CRB1: variants seen among roughly 807,000 people sequenced by gnomAD.
CRB1 encodes crumbs cell polarity complex component 1, also known as protein crumbs homolog 1.
A neutral mutation model predicts 120.0 loss-of-function variants in CRB1; 83 were observed. The observed-to-expected ratio is 0.69, with a 90% CI of 0.58 to 0.83. The LOEUF (loss-of-function observed/expected upper bound fraction) is 0.83. CRB1 is among the 40% of genes least tolerant of loss of function. CRB1 has a pLI of 0.00. For synonymous variants in CRB1, 625 were observed against 612.5 expected (o/e 1.02, Z -0.30); for missense variants, 1,699 against 1,687.6 (o/e 1.01, Z -0.12).
chr1:197,268,218 G>A (rs886045782), upstream of CRB1: 15 of 566,016 alleles, frequency 2.7e-5, no homozygotes, highest in African/African-American at 2.4e-4. Flanking sequence ...CCGTGTAAGT[G>A]ATGCTAAGAA....
the CRB1 span, among the ~76,000 whole-genome samples, chr1:197,208,712 C>T: frequency 3.3e-5 from 5 of 152,244 alleles, no homozygotes; most frequent in Middle Eastern, 3.4e-3. Context: ...GTGATGCTTT[C>T]AAGACCACAT....
chr1:197,393,094 A>G (rs114178884), intron 5 of CRB1, among the ~76,000 whole-genome samples: 199 of 152,240 alleles, frequency 1.3e-3, no homozygotes, highest in Middle Eastern at 3.4e-3. Context: ...AGGGCTGTTA[A>G]TCAAATTAAA....
At chr1:197,239,339 A>G in the CRB1 span, among the ~76,000 whole-genome samples, 1 of 152,138 alleles carries the variant, frequency 6.6e-6, no homozygotes, top group East Asian at 1.9e-4. Context: ...AACTATAATT[A>G]CACACTTGTC....
intron 1 of CRB1, among the ~76,000 whole-genome samples, chr1:197,283,617 A>G (rs1655661808): frequency 6.6e-6 from 1 of 151,764 alleles, no homozygotes; most frequent in East Asian, 1.9e-4. Flanking sequence ...GTATCTATCT[A>G]TCTAGATGGA....
chr1:197,354,811 CCCCCCGCCCCCCCA>C, intron 4 of CRB1, among the ~76,000 whole-genome samples: 1 of 6,682 alleles, frequency 1.5e-4, no homozygotes, highest in African/African-American at 4.1e-4. Context: ...CCCTTATCTG[CCCCCCGCCCCCCCA>C]CCCCCCCCCC....
chr1:197,230,899 T>A, the CRB1 span, among the ~76,000 whole-genome samples: 1 of 152,192 alleles, frequency 6.6e-6, no homozygotes, highest in Non-Finnish European at 1.5e-5. Flanking sequence ...TCTTGGAGGA[T>A]CAAGTTTTTA....
chr1:197,300,029 G>A (rs1656774272), intron 1 of CRB1, among the ~76,000 whole-genome samples: 1 of 151,822 alleles, frequency 6.6e-6, no homozygotes, highest in African/African-American at 2.4e-5. Context: ...CACAAACCAT[G>A]CCCATATGGC....
chr1:197,291,679 G>A (rs985387981), intron 1 of CRB1, among the ~76,000 whole-genome samples: 6 of 151,772 alleles, frequency 4.0e-5, no homozygotes, highest in African/African-American at 1.4e-4. Flanking sequence ...TCCTTAGCAT[G>A]CATAGTGCTT....
chr1:197,222,195 C>T, the CRB1 span: 7 of 453,318 alleles, frequency 1.5e-5, no homozygotes, highest in Non-Finnish European at 2.9e-5. Context: ...TCCTTGTTGC[C>T]CTGCACTGCG....
chr1:197,347,152 A>T (rs979089528), intron 3 of CRB1, among the ~76,000 whole-genome samples, 188 bp from the exon 4 acceptor site: 4 of 152,246 alleles, frequency 2.6e-5, no homozygotes, highest in Non-Finnish European at 5.9e-5. Context: ...TAAATTTTTT[A>T]AAGTTAATAA....
At chr1:197,308,151 G>C (rs1196999816) in intron 1 of CRB1, among the ~76,000 whole-genome samples, 1 of 152,176 alleles carries the variant, frequency 6.6e-6, no homozygotes, top group African/African-American at 2.4e-5. Context: ...GATGGAGCTG[G>C]AGGCCGTAAT....
chr1:197,394,667 T>A (rs1387611364), intron 5 of CRB1, among the ~76,000 whole-genome samples: 1 of 152,080 alleles, frequency 6.6e-6, no homozygotes, highest in East Asian at 1.9e-4. Context: ...TTTATAGATT[T>A]ATTATGTTTT....
chr1:197,243,254 T>C, the CRB1 span, among the ~76,000 whole-genome samples: 14 of 152,210 alleles, frequency 9.2e-5, no homozygotes, highest in African/African-American at 3.4e-4. Flanking sequence ...TCTAGTTCTT[T>C]TAATTGTGAT....
At chr1:197,264,876 C>T (rs964964153), upstream of CRB1, among the ~76,000 whole-genome samples, 1 of 152,028 alleles carries the variant, frequency 6.6e-6, no homozygotes, top group Non-Finnish European at 1.5e-5. Context: ...CCACCCGCCT[C>T]AGCCTCCCAG....
chr1:197,456,781 G>T (rs1424774354), intron 11 of CRB1, among the ~76,000 whole-genome samples: 2 of 152,108 alleles, frequency 1.3e-5, no homozygotes, highest in Non-Finnish European at 2.9e-5. Flanking sequence ...GTGGATGAAT[G>T]AATAAATGTA....
chr1:197,422,562 A>C (rs1664391410), intron 6 of CRB1, among the ~76,000 whole-genome samples: 1 of 152,208 alleles, frequency 6.6e-6, no homozygotes, highest in Admixed American at 6.5e-5. Context: ...AAAAAGAAAA[A>C]AAAATGTGGA....
the CRB1 span, among the ~76,000 whole-genome samples, chr1:197,228,782 G>A: frequency 3.9e-5 from 6 of 152,100 alleles, no homozygotes; most frequent in Non-Finnish European, 8.8e-5. Flanking sequence ...ACATACCCTA[G>A]ACTGGGAAGA....
chr1:197,453,374 T>C (rs1666067441), intron 11 of CRB1, among the ~76,000 whole-genome samples: 1 of 147,324 alleles, frequency 6.8e-6, no homozygotes, highest in Admixed American at 6.8e-5. Flanking sequence ...ATAATTAAAT[T>C]ATATATAATT....
At position 197,478,047 on chromosome 1, in the gene CRB1, A is replaced by G. The variant is rs940851250; in HGVS notation, c.*168A>G. 8 of 718,322 alleles carry G rather than the reference A, an allele frequency of 1.1e-5. No individual in the cohort carries two copies. The Admixed American group carries it at 1.3e-4, about 12-fold the overall frequency. The allele number at this position is 718,322 out of a possible 1,614,324, so 44.5% of individuals were successfully genotyped here. ...AAAACTTTCACAGTGGTTCCGCTCG[A>G]CACCATTGTTTTATTATATTATATC... On this transcript the variant is annotated 3_prime_UTR_variant, in exon 12 of 12. Transcript: ENST00000367400.
Sources: gnomAD v4.1 joint callset for allele counts (sites outside exome capture counted in the v4.1 genomes callset) on GRCh38, gnomAD v4.1.1 for gene constraint, MANE v1.5 for transcripts, NCBI Gene and HGNC (gene_info 2026-07-23, HGNC 2026-07-21) for gene names.